TAFA2: variants seen among roughly 807,000 people sequenced by gnomAD.
TAFA2 encodes the protein chemokine-like protein TAFA-2.
A neutral mutation model predicts 18.8 loss-of-function variants in TAFA2; 7 were observed. That is an observed-to-expected ratio of 0.37 (90% CI 0.21 to 0.70). The LOEUF (loss-of-function observed/expected upper bound fraction) is 0.70. TAFA2 is among the 30% of genes least tolerant of loss of function. The pLI is 0.53. For synonymous variants in TAFA2, 60 were observed against 54.2 expected (o/e 1.11, Z -0.47); for missense variants, 122 against 158.1 (o/e 0.77, Z 1.23).
chr12:62,097,471 G>A (rs1290337162), intron 1 of TAFA2, among the ~76,000 whole-genome samples: 1 of 152,166 alleles, frequency 6.6e-6, no homozygotes. Flanking sequence ...TAAACGGGAA[G>A]AGTGAAACTG....
In TAFA2 at chr12:61,760,356, A is replaced by G. The variant is rs1004085058; in HGVS notation, c.107-5332T>C. On this transcript the variant is annotated intron_variant, in intron 2 of 4. Coordinates refer to ENST00000416284, the MANE Select transcript of TAFA2 (RefSeq NM_178539.5). ...TTGAAGGCATTGGCATTGGTAGGAA[A>G]AATATCAAAATATATATATATATAT... 2.2e-5 allele frequency among the ~76,000 whole-genome samples: 3 copies of G among 135,948 alleles called. No individual in the cohort carries two copies. The Admixed American group carries it at 2.3e-4, about 10-fold the overall frequency. 89.2% of individuals were successfully genotyped at this position (135,948 alleles called of 152,430 possible).
chr12:61,720,844 A>T (rs1869861335), intron 4 of TAFA2: 2 of 499,994 alleles, frequency 4.0e-6, no homozygotes, highest in South Asian at 2.9e-5. Context: ...AGTGTGGAGA[A>T]ATCAAAAATT....
intron 1 of TAFA2, among the ~76,000 whole-genome samples, chr12:61,917,741 A>G (rs1315854193): frequency 1.3e-5 from 2 of 152,194 alleles, no homozygotes; most frequent in Non-Finnish European, 2.9e-5. Flanking sequence ...TACCTGGGTA[A>G]AGGTCTACCA....
chr12:61,738,315 A>ACACG (rs1474546885), intron 4 of TAFA2, among the ~76,000 whole-genome samples: 7 of 148,946 alleles, frequency 4.7e-5, no homozygotes, highest in African/African-American at 1.7e-4. Flanking sequence ...ACACACACAC[A>ACACG]CACACACACA....
chr12:62,204,952 T>A (rs2062685830), intron 1 of TAFA2, among the ~76,000 whole-genome samples: 1 of 152,248 alleles, frequency 6.6e-6, no homozygotes, highest in Admixed American at 6.5e-5. Flanking sequence ...TTCTTTCTCA[T>A]CTTCATGAGT....
At chr12:62,104,619 ACT>A (rs1220371717) in intron 1 of TAFA2, 2 of 410,762 alleles carry the variant, frequency 4.9e-6, no homozygotes, top group Non-Finnish European at 9.7e-6. Context: ...AAGAAATCTC[ACT>A]CTTGTATACA....
chr12:61,846,317 G>T (rs1183306451), intron 2 of TAFA2, among the ~76,000 whole-genome samples: 3 of 152,072 alleles, frequency 2.0e-5, no homozygotes, highest in African/African-American at 4.8e-5. Flanking sequence ...CCTTCTTCAA[G>T]GTATTAAGAT....
At chr12:62,123,781 TACACACACAC>T (rs71083977) in intron 1 of TAFA2, among the ~76,000 whole-genome samples, 1 of 132,848 alleles carries the variant, frequency 7.5e-6, no homozygotes, top group Non-Finnish European at 1.6e-5. Context: ...ACCACACACA[TACACACACAC>T]ACACACACAC....
At chr12:61,962,639 T>A (rs1438484493) in intron 1 of TAFA2, among the ~76,000 whole-genome samples, 1 of 152,050 alleles carries the variant, frequency 6.6e-6, no homozygotes, top group Non-Finnish European at 1.5e-5. Context: ...GAGAAGAGTA[T>A]ATGAAAAAAG....
intron 2 of TAFA2, among the ~76,000 whole-genome samples, chr12:61,789,068 A>G (rs1287834574): frequency 6.6e-6 from 1 of 151,802 alleles, no homozygotes; most frequent in Non-Finnish European, 1.5e-5. Flanking sequence ...ACAGATTGCA[A>G]AAATTTTCTC....
At chr12:61,813,531 A>G (rs1296775645) in intron 2 of TAFA2, among the ~76,000 whole-genome samples, 1 of 151,302 alleles carries the variant, frequency 6.6e-6, no homozygotes, top group Non-Finnish European at 1.5e-5. Context: ...TTCCTTTCTA[A>G]AAGATTTTCC....
In TAFA2 at chr12:61,869,468, T is replaced by C. The variant is rs374982855; in HGVS notation, c.-1-2042A>G. 4.6e-5 allele frequency among the ~76,000 whole-genome samples: 7 copies of C among 152,186 alleles called. No individual in the cohort carries two copies. In the East Asian group the frequency reaches 1.3e-3, roughly 29 times the overall value. On this transcript the variant is annotated intron_variant, in intron 1 of 4. Coordinates refer to ENST00000416284, the MANE Select transcript of TAFA2 (RefSeq NM_178539.5). ...GACTAGCATTTTCCTAAATTCACTC[T>C]GTGAGGCACCAGTTCCACAGACTGT...
chr12:61,877,722 T>C (rs955917494), intron 1 of TAFA2, among the ~76,000 whole-genome samples: 3 of 152,100 alleles, frequency 2.0e-5, no homozygotes, highest in African/African-American at 7.2e-5. Flanking sequence ...ACAAAACAAG[T>C]ACCAGATATC....
intron 1 of TAFA2, among the ~76,000 whole-genome samples, chr12:61,899,399 G>A (rs1452415250): frequency 6.6e-6 from 1 of 152,170 alleles, no homozygotes; most frequent in Non-Finnish European, 1.5e-5. Flanking sequence ...AGAAAGTAAG[G>A]TTAATTGACT....
chr12:61,817,756 A>G (rs1872144323), intron 2 of TAFA2, among the ~76,000 whole-genome samples: 1 of 152,228 alleles, frequency 6.6e-6, no homozygotes. Flanking sequence ...TAACAGTGAT[A>G]TGTAAAAATG....
Position 61,863,102 on chromosome 12 carries a change from T to C in TAFA2, c.106+4218A>G, listed in dbSNP as rs548902000. Among the ~76,000 whole-genome samples, 11 of 152,310 alleles carry C rather than the reference T, an allele frequency of 7.2e-5. No individual in the cohort carries two copies. In the South Asian group the frequency reaches 2.1e-3, roughly 29 times the overall value. ...AATTTACTATGCTCTGGGTCTAGCA[T>C]ATCCCAGAAAGGGGATACGTTTACC... On this transcript the variant is annotated intron_variant, in intron 2 of 4. Transcript: ENST00000416284.
intron 1 of TAFA2, among the ~76,000 whole-genome samples, chr12:61,952,199 A>G (rs1273509801): frequency 6.6e-6 from 1 of 152,172 alleles, no homozygotes; most frequent in Non-Finnish European, 1.5e-5. Context: ...GCCAAGACAG[A>G]TATCTGCACA....
intron 4 of TAFA2, among the ~76,000 whole-genome samples, chr12:61,748,759 A>G (rs1397528250): frequency 6.6e-6 from 1 of 152,118 alleles, no homozygotes; most frequent in Non-Finnish European, 1.5e-5. Context: ...TGAGATTTTC[A>G]GTTATTACTG....
At chr12:62,099,928 T>C (rs1869116846) in intron 1 of TAFA2, among the ~76,000 whole-genome samples, 1 of 152,320 alleles carries the variant, frequency 6.6e-6, no homozygotes, top group Admixed American at 6.5e-5. Flanking sequence ...TTTTATTCAA[T>C]AAATGCTTAT....
Sources: allele counts gnomAD v4.1 joint callset (sites outside exome capture counted in the v4.1 genomes callset), GRCh38; gene constraint gnomAD v4.1.1; transcripts MANE v1.5; gene names NCBI Gene and HGNC (gene_info 2026-07-23, HGNC 2026-07-21).